DCP2: variants seen among roughly 807,000 people sequenced by gnomAD.
DCP2 encodes the protein decapping mRNA 2.
Under a neutral mutation model 56.1 loss-of-function variants are expected in DCP2, and 30 were observed. The ratio of observed to expected loss-of-function variants is 0.53; its 90% confidence interval spans 0.40 to 0.73. DCP2 has a LOEUF of 0.73. Among genes scored for constraint, DCP2 ranks in the 30% least tolerant of loss-of-function variants. The pLI is 0.00. For synonymous variants in DCP2, 197 were observed against 163.3 expected (o/e 1.21, Z -1.57); for missense variants, 533 against 502.7 (o/e 1.06, Z -0.58).
chr5:112,980,398 G>C (rs1285718691), intron 1 of DCP2, among the ~76,000 whole-genome samples: 1 of 152,216 alleles, frequency 6.6e-6, no homozygotes, highest in Non-Finnish European at 1.5e-5. Flanking sequence ...AGCCGTGTTA[G>C]TGTTGAATTC....
At position 113,017,997 on chromosome 5, in the gene DCP2, C is replaced by T. The variant is rs141099637; in HGVS notation, c.*4513C>T. On this transcript the variant is annotated 3_prime_UTR_variant, in exon 11 of 11. Transcript: ENST00000389063. ...GAGTCTGGTCCTTCCTGTACTGATACTGTAGAACTCCAGTCAAACTTCAGT... is the reference window on the plus strand; with the variant it reads ...GAGTCTGGTCCTTCCTGTACTGATATTGTAGAACTCCAGTCAAACTTCAGT... 1 of 152,156 alleles carries T rather than the reference C, an allele frequency of 6.6e-6. No homozygotes were observed. Among genetic ancestry groups the T allele is most frequent in the Admixed American group, 6.5e-5 (1 of 15,284 alleles). The allele number at this position is 152,156 out of a possible 1,614,324, so 9.4% of individuals were successfully genotyped here.
rs1749778229 is a variant in DCP2 at position 113,013,850 on chromosome 5, A to T, written c.*366A>T. On this transcript the variant is annotated 3_prime_UTR_variant, in exon 11 of 11. Transcript: ENST00000389063. ...CCATCTACCTGTTACAGTGATTGCAATAATAGTATATTGGAGTTTTTCAAA... is the reference window on the plus strand; with the variant it reads ...CCATCTACCTGTTACAGTGATTGCATTAATAGTATATTGGAGTTTTTCAAA... The T allele has an allele frequency of 6.0e-6, 1 of 167,918 alleles. No homozygotes were observed. Among genetic ancestry groups the T allele is most frequent in the African/African-American group, 2.4e-5 (1 of 41,938 alleles). The allele number at this position is 167,918 out of a possible 1,614,324, so 10.4% of individuals were successfully genotyped here.
chr5:112,982,838 C>A (rs1165933239), intron 1 of DCP2, among the ~76,000 whole-genome samples: 1 of 152,190 alleles, frequency 6.6e-6, no homozygotes, highest in Non-Finnish European at 1.5e-5. Context: ...ACTTTCTTGT[C>A]ATGCTTCACA....
At chr5:112,981,553 A>G (rs1748004285) in intron 1 of DCP2, among the ~76,000 whole-genome samples, 1 of 152,164 alleles carries the variant, frequency 6.6e-6, no homozygotes, top group African/African-American at 2.4e-5. Context: ...TACAGTGTAA[A>G]TAGATATGTA....
intron 10 of DCP2, among the ~76,000 whole-genome samples, chr5:113,012,870 C>T (rs1446229187): frequency 6.6e-6 from 1 of 151,944 alleles, no homozygotes; most frequent in East Asian, 1.9e-4. Flanking sequence ...TCTCGAACTC[C>T]TGACCTTGTG....
chr5:113,007,039 G>A (rs1000672670), intron 8 of DCP2, among the ~76,000 whole-genome samples: 2 of 152,102 alleles, frequency 1.3e-5, no homozygotes, highest in Non-Finnish European at 2.9e-5. Context: ...TTGGGAGGCT[G>A]AGGCAGGAGA....
Position 112,988,232 on chromosome 5 carries a change from C to G in DCP2, c.205+2246C>G, listed in dbSNP as rs545348882. On this transcript the variant is annotated intron_variant, in intron 2 of 10. Transcript: ENST00000389063. ...GTGCGGTGGCTCATGCCTGTAATCC[C>G]AGCACTTTGGGAGGCCAAGGGGGGC... Among the ~76,000 whole-genome samples the G allele has an allele frequency of 2.6e-5, 4 of 151,732 alleles. No individual in the cohort carries two copies. In the East Asian group the frequency reaches 5.8e-4, roughly 22 times the overall value.
At chr5:112,991,252 C>T (rs1748573348) in intron 2 of DCP2, among the ~76,000 whole-genome samples, 2 of 152,160 alleles carry the variant, frequency 1.3e-5, no homozygotes, top group African/African-American at 4.8e-5. Context: ...GAATTGAGAA[C>T]CCTTAAAAGT....
At position 113,018,595 on chromosome 5, in the gene DCP2, A is replaced by G. The variant is rs1356281528; in HGVS notation, c.*5111A>G. ...AGACTTCAGTCTTTTAGTCCAGTAGAAGACAATGGCCCTGAATATGTGTTT... is the reference window on the plus strand; with the variant it reads ...AGACTTCAGTCTTTTAGTCCAGTAGGAGACAATGGCCCTGAATATGTGTTT... On this transcript the variant is annotated 3_prime_UTR_variant, in exon 11 of 11. Transcript: ENST00000389063. 2.0e-5 allele frequency: 3 copies of G among 152,210 alleles called. No homozygotes were observed. The highest frequency in any genetic ancestry group is 4.4e-5 in the Non-Finnish European group (3 of 68,058). The allele number at this position is 152,210 out of a possible 1,614,324, so 9.4% of individuals were successfully genotyped here.
chr5:113,001,594 A>G lies in DCP2; in HGVS notation c.726A>G (p.Arg242=). The G allele has an allele frequency of 6.2e-7, 1 of 1,614,172 alleles. No individual in the cohort carries two copies. The highest frequency in any genetic ancestry group is 8.5e-7 in the Non-Finnish European group (1 of 1,180,028). The change falls in exon 7 of 11, where the codon AGA becomes AGG. Residue 242 remains arginine (R), a synonymous_variant. Coordinates refer to ENST00000389063, the MANE Select transcript of DCP2 (RefSeq NM_152624.6). Reference sequence around the variant, plus strand: ...CATTAAGGGACTGGCTTTCTCGAAGATTTGGCGATTCCTCAGACAGTGACA... The same window carrying G: ...CATTAAGGGACTGGCTTTCTCGAAGGTTTGGCGATTCCTCAGACAGTGACA... ...IRPLRDWLSR[R]FGDSSDSDNG...
At chr5:112,985,473 A>T (rs1748234424) in intron 1 of DCP2, among the ~76,000 whole-genome samples, 1 of 152,234 alleles carries the variant, frequency 6.6e-6, no homozygotes, top group Non-Finnish European at 1.5e-5. Context: ...AATAGCAAAC[A>T]TTTTAAAATT....
At chr5:113,007,291 G>A (rs898889713) in intron 8 of DCP2, among the ~76,000 whole-genome samples, 2 of 151,800 alleles carry the variant, frequency 1.3e-5, no homozygotes, top group African/African-American at 2.4e-5. Flanking sequence ...AATGTCCCTC[G>A]GCATTCCTTT....
intron 7 of DCP2, among the ~76,000 whole-genome samples, chr5:113,002,276 A>G (rs1398786871): frequency 1.3e-5 from 2 of 152,020 alleles, no homozygotes; most frequent in African/African-American, 2.4e-5. Context: ...TACAAAAATT[A>G]GCTGGGCGTG....
At chr5:112,993,239 C>T (rs1043968415) in intron 4 of DCP2, among the ~76,000 whole-genome samples, 4 of 152,160 alleles carry the variant, frequency 2.6e-5, no homozygotes, top group Non-Finnish European at 5.9e-5. Flanking sequence ...TGTCCCCTCT[C>T]CCCCACACAA....
intron 1 of DCP2, among the ~76,000 whole-genome samples, chr5:112,982,464 G>A (rs1179349932): frequency 6.6e-6 from 1 of 152,116 alleles, no homozygotes; most frequent in Non-Finnish European, 1.5e-5. Context: ...TTGCTTGTGC[G>A]CATTTTAAGT....
intron 4 of DCP2, among the ~76,000 whole-genome samples, chr5:113,000,531 G>T (rs530098890): frequency 2.6e-5 from 4 of 152,110 alleles, no homozygotes; most frequent in African/African-American, 9.6e-5. Context: ...AGCCTTAATT[G>T]TTAAAATTAT....
At chr5:112,997,740 G>A (rs956746358) in intron 4 of DCP2, among the ~76,000 whole-genome samples, 5 of 151,300 alleles carry the variant, frequency 3.3e-5, no homozygotes, top group South Asian at 4.2e-4. Flanking sequence ...TCAGCATCCC[G>A]AGTACCTGGG....
In DCP2 at chr5:113,019,650, A is replaced by T. The variant is rs1322735542; in HGVS notation, c.*6166A>T. The T allele has an allele frequency of 6.6e-6, 1 of 152,232 alleles. No homozygotes were observed. Among genetic ancestry groups the T allele is most frequent in the Non-Finnish European group, 1.5e-5 (1 of 68,038 alleles). 9.4% of individuals were successfully genotyped at this position (152,232 alleles called of 1,614,324 possible). A position where few individuals can be genotyped will look rare whatever the true frequency, so the allele number is the denominator to read the frequency against. On this transcript the variant is annotated 3_prime_UTR_variant, in exon 11 of 11. Transcript: ENST00000389063. Reference sequence around the variant, plus strand: ...TTCAGTAACAAAAACAGGGAAGGACAATAAAACCATGAACTATTTTGCTTT... The same window carrying T: ...TTCAGTAACAAAAACAGGGAAGGACTATAAAACCATGAACTATTTTGCTTT...
chr5:113,010,801 G>T lies in DCP2; in HGVS notation c.1093G>T (p.Glu365Ter). Residue 365 changes from glutamate to a stop codon, truncating the protein, a stop_gained, in exon 10 of 11, where the codon GAA becomes TAA. Transcript: ENST00000389063. LOFTEE classifies it high-confidence loss of function. ...LHPRKLQDNF[E>*]TDAVYDLPSS... ...TCCACGGAAACTTCAGGATAATTTT[G>T]AAACAGGCAAGTCATTTCCTATCTT... 6.3e-7 allele frequency: 1 copy of T among 1,595,540 alleles called. No individual in the cohort carries two copies. The highest frequency in any genetic ancestry group is 2.3e-5 in the East Asian group (1 of 44,234).
Sources: allele counts gnomAD v4.1 joint callset (sites outside exome capture counted in the v4.1 genomes callset), GRCh38; gene constraint gnomAD v4.1.1; transcripts MANE v1.5; gene names NCBI Gene and HGNC (gene_info 2026-07-23, HGNC 2026-07-21).